ADD3: variants seen among roughly 807,000 people sequenced by gnomAD.
ADD3 encodes the protein adducin 3.
In ADD3, 25 loss-of-function variants were observed where a neutral mutation model predicts 80.2. That is an observed-to-expected ratio of 0.31 (90% CI 0.23 to 0.44). The LOEUF is 0.44. Among genes scored for constraint, ADD3 ranks in the 20% least tolerant of loss-of-function variants. The probability of loss-of-function intolerance (pLI) is 1.00; values close to 1 mark genes in which losing one functional copy is unlikely to be tolerated. For missense variants in ADD3, 829 were observed against 847.5 expected, an observed-to-expected ratio of 0.98 and a Z score of 0.27; for synonymous variants, 284 against 289.6, an observed-to-expected ratio of 0.98 and a Z score of 0.20.
At chr10:110,121,313 G>A (rs1389617674) in intron 8 of ADD3, among the ~76,000 whole-genome samples, 3 of 151,916 alleles carry the variant, frequency 2.0e-5, no homozygotes, top group Non-Finnish European at 4.4e-5. Context: ...GAGAAACCCC[G>A]TCTGTACTAA....
rs772761212 is a variant in ADD3, at chr10:110,119,375, A to G, written c.861+21A>G. 3.0e-5 allele frequency: 48 copies of G among 1,613,398 alleles called. No homozygotes were observed. The South Asian group carries it at 4.4e-4, about 15-fold the overall frequency. On this transcript the variant is annotated intron_variant, in intron 7 of 14. Coordinates refer to ENST00000356080, the MANE Select transcript of ADD3 (RefSeq NM_016824.5). The stretch of plus-strand genomic sequence containing the variant: ...GTAAGGTATGTAGTAGAGTTTGTCT[A>G]AGGAGCTATTTTTGTTGCTGCTGCT...
chr10:110,127,877 GAT>G (rs1288723370), intron 12 of ADD3, among the ~76,000 whole-genome samples: 1 of 152,042 alleles, frequency 6.6e-6, no homozygotes, highest in African/African-American at 2.4e-5. Flanking sequence ...CCGAGAAAAG[GAT>G]ACATAGGTGG....
chr10:110,065,545 T>TTTTTTTTTC (rs1323388586), intron 1 of ADD3, among the ~76,000 whole-genome samples: 22 of 86,396 alleles, frequency 2.5e-4, no homozygotes, highest in African/African-American at 8.8e-4. Flanking sequence ...TCCCCTTTTT[T>TTTTTTTTTC]TTTTTTTTTT....
At chr10:110,076,268 T>G (rs1845365573) in intron 1 of ADD3, among the ~76,000 whole-genome samples, 1 of 152,182 alleles carries the variant, frequency 6.6e-6, no homozygotes, top group African/African-American at 2.4e-5. Flanking sequence ...GTTAATAGTT[T>G]CAATAACTGA....
At chr10:110,107,704 T>G (rs986562104) in intron 2 of ADD3, among the ~76,000 whole-genome samples, 2 of 152,148 alleles carry the variant, frequency 1.3e-5, no homozygotes, top group African/African-American at 4.8e-5. Context: ...GTTTCCTTGT[T>G]GGTAAAATGG....
chr10:110,098,922 C>T (rs960187910), intron 1 of ADD3, among the ~76,000 whole-genome samples: 12 of 151,960 alleles, frequency 7.9e-5, no homozygotes, highest in Non-Finnish European at 1.5e-4. Flanking sequence ...GCCACTGTGC[C>T]GGCCTGAATA....
At position 110,135,412 on chromosome 10, in the gene ADD3, C is replaced by G. The variant is rs1853527906; in HGVS notation, c.*1794C>G. 1 of 152,436 alleles carries G rather than the reference C, an allele frequency of 6.6e-6. No homozygotes were observed. The highest frequency in any genetic ancestry group is 2.4e-5 in the African/African-American group (1 of 41,376). The allele number at this position is 152,436 out of a possible 1,614,324, so 9.4% of individuals were successfully genotyped here. A position where few individuals can be genotyped will look rare whatever the true frequency, so the allele number is the denominator to read the frequency against. On this transcript the variant is annotated 3_prime_UTR_variant, in exon 15 of 15. Transcript: ENST00000356080. ...TAAACATAACAGTGAACTATTGCAC[C>G]TTTTGCTAATGCCTCTATTTACTTG... is the stretch of plus-strand genomic sequence containing the variant.
chr10:110,128,199 GA>G (rs935796805), intron 12 of ADD3, among the ~76,000 whole-genome samples: 2 of 151,472 alleles, frequency 1.3e-5, no homozygotes, highest in African/African-American at 4.8e-5. Flanking sequence ...TTCAGTTCTG[GA>G]AGTTTTTTAA....
intron 2 of ADD3, among the ~76,000 whole-genome samples, chr10:110,111,288 G>C (rs1277812712): frequency 1.3e-5 from 2 of 152,178 alleles, no homozygotes; most frequent in African/African-American, 4.8e-5. Context: ...ATCTCAAATG[G>C]AAGAGCAAGG....
At chr10:110,007,335 G>T (rs548923331), upstream of ADD3, among the ~76,000 whole-genome samples, 2 of 152,222 alleles carry the variant, frequency 1.3e-5, no homozygotes, top group Non-Finnish European at 2.9e-5. Context: ...CTAGGCGCCC[G>T]CGAAGGCAGC....
intron 1 of ADD3, among the ~76,000 whole-genome samples, chr10:110,029,460 T>C (rs1189126919): frequency 6.6e-6 from 1 of 152,246 alleles, no homozygotes; most frequent in Non-Finnish European, 1.5e-5. Context: ...GTGTTCTGAA[T>C]CTGTTAAGGA....
At chr10:109,997,978 T>C (rs1420390806) in intron 1 of ADD3, among the ~76,000 whole-genome samples, 3 of 152,170 alleles carry the variant, frequency 2.0e-5, no homozygotes, top group Non-Finnish European at 2.9e-5. Context: ...AATCCTAATA[T>C]TTATTGGGTA....
At chr10:110,031,046 C>T (rs571714619) in intron 1 of ADD3, among the ~76,000 whole-genome samples, 1,954 of 148,982 alleles carry the variant, frequency 0.013, 36 homozygotes, top group South Asian at 0.075. Flanking sequence ...GAGACCGAGG[C>T]AGGTGGATCA....
At chr10:110,120,154 A>G (rs1851278411) in intron 8 of ADD3, among the ~76,000 whole-genome samples, 1 of 150,100 alleles carries the variant, frequency 6.7e-6, no homozygotes. Flanking sequence ...TACATGTGCC[A>G]TGCTGGTGCG....
At chr10:110,105,996 A>G (rs1366322541) in intron 2 of ADD3, 2 of 152,210 alleles carry the variant, frequency 1.3e-5, no homozygotes, top group Non-Finnish European at 2.9e-5. Context: ...TCTCCTTTCA[A>G]CAGGGCCAGT....
At chr10:110,006,431 C>T (rs917567183), upstream of ADD3, among the ~76,000 whole-genome samples, 3 of 152,318 alleles carry the variant, frequency 2.0e-5, no homozygotes, top group Non-Finnish European at 4.4e-5. Context: ...TATCCAGCCA[C>T]TCCCAATATC....
intron 1 of ADD3, among the ~76,000 whole-genome samples, chr10:110,049,701 C>G (rs1334464594): frequency 6.6e-6 from 1 of 152,148 alleles, no homozygotes; most frequent in Non-Finnish European, 1.5e-5. Flanking sequence ...TCCTGGCTAA[C>G]ACGGTGAAAC....
chr10:110,068,743 A>G (rs904880986), intron 1 of ADD3, among the ~76,000 whole-genome samples: 6 of 152,168 alleles, frequency 3.9e-5, no homozygotes, highest in Admixed American at 1.3e-4. Flanking sequence ...AGTATAAAGT[A>G]CTTACAGCCC....
At chr10:110,032,500 A>T (rs1855164131) in intron 1 of ADD3, among the ~76,000 whole-genome samples, 1 of 152,242 alleles carries the variant, frequency 6.6e-6, no homozygotes, top group African/African-American at 2.4e-5. Context: ...CAGCAGGGAT[A>T]CTTGGGCAAA....
Sources: gnomAD v4.1 joint callset for allele counts (sites outside exome capture counted in the v4.1 genomes callset) on GRCh38, gnomAD v4.1.1 for gene constraint, MANE v1.5 for transcripts, NCBI Gene and HGNC (gene_info 2026-07-23, HGNC 2026-07-21) for gene names.